MAP2: variants seen among roughly 807,000 people sequenced by gnomAD.
MAP2 encodes the protein microtubule-associated protein 2.
In MAP2, 14 loss-of-function variants were observed where a neutral mutation model predicts 137.6. The ratio of observed to expected loss-of-function variants is 0.10; its 90% CI spans 0.07 to 0.16. The LOEUF (loss-of-function observed/expected upper bound fraction) is 0.16, where lower values mean the gene tolerates loss of function less well. MAP2 is among the 10% of genes least tolerant of loss of function. The pLI is 1.00. For missense variants in MAP2, 2,088 were observed against 2,191.5 expected (o/e 0.95, Z 0.94); for synonymous variants, 786 against 782.3 (o/e 1.00, Z -0.08).
chr2:209,696,327 A>G lies in MAP2; in HGVS notation c.4157A>G (p.Asp1386Gly). 1 of 1,565,518 alleles carries G rather than the reference A, an allele frequency of 6.4e-7. No individual in the cohort carries two copies. Among genetic ancestry groups the G allele is most frequent in the Non-Finnish European group, 8.6e-7 (1 of 1,162,964 alleles). ...TTIDDSIMDADSLWVDTQDDD... is the reference protein window; with the variant it reads ...TTIDDSIMDAGSLWVDTQDDD... ...ATTGACGACTCCATCATGGACGCTG[A>G]CAGCCTCTGGGTGGACACTCAAGGT... The change falls in exon 8 of 16, where the codon GAC (aspartate) becomes GGC (glycine). Residue 1386 changes from aspartate (D) to glycine (G), a missense_variant. Around this residue, in one of 6 missense-constraint regions of MAP2, gnomAD observed 591 missense variants for 642.6 expected, o/e 0.92. Transcript: ENST00000682079.
chr2:209,480,432 G>A (rs1440813301), intron 1 of MAP2, among the ~76,000 whole-genome samples: 1 of 152,026 alleles, frequency 6.6e-6, no homozygotes, highest in Non-Finnish European at 1.5e-5. Flanking sequence ...CTGAGTCTGT[G>A]GATACGTGGA....
At chr2:209,578,419 GA>G (rs67981173) in intron 2 of MAP2, among the ~76,000 whole-genome samples, 31,837 of 141,180 alleles carry the variant, frequency 0.23, 4,834 homozygotes, top group African/African-American at 0.45. Context: ...TTTCAAGAAG[GA>G]AAAAAAAAAA....
intron 3 of MAP2, among the ~76,000 whole-genome samples, chr2:209,606,495 C>T (rs1175086841): frequency 1.3e-5 from 2 of 152,054 alleles, no homozygotes; most frequent in African/African-American, 4.8e-5. Context: ...CACTGTACTC[C>T]AGCCTTGGCA....
intron 5 of MAP2, among the ~76,000 whole-genome samples, chr2:209,664,744 G>A (rs1343213763): frequency 2.0e-5 from 3 of 151,960 alleles, no homozygotes; most frequent in African/African-American, 4.8e-5. Context: ...GGCAGATCAC[G>A]AGGTCAGGAG....
chr2:209,509,708 T>A (rs918703956), intron 2 of MAP2, among the ~76,000 whole-genome samples: 8 of 152,028 alleles, frequency 5.3e-5, no homozygotes, highest in Non-Finnish European at 7.4e-5. Flanking sequence ...ATAAAAGAGT[T>A]TCCCTCACAG....
At chr2:209,573,298 G>GTTT (rs71043941) in intron 2 of MAP2, among the ~76,000 whole-genome samples, 13 of 120,064 alleles carry the variant, frequency 1.1e-4, no homozygotes, top group South Asian at 2.6e-4. Context: ...TTCTTTTTCT[G>GTTT]TTTTTTTTTT....
At chr2:209,453,550 G>C (rs1700780658) in intron 1 of MAP2, among the ~76,000 whole-genome samples, 1 of 152,082 alleles carries the variant, frequency 6.6e-6, no homozygotes, top group African/African-American at 2.4e-5. Flanking sequence ...ATATACCTAT[G>C]ACTGTTACTG....
At chr2:209,645,181 A>AT (rs2153587467) in intron 4 of MAP2, among the ~76,000 whole-genome samples, 1 of 152,262 alleles carries the variant, frequency 6.6e-6, no homozygotes, top group South Asian at 2.1e-4. Context: ...GTATCAAATT[A>AT]TTTTTTTCCA....
At chr2:209,493,272 A>C (rs2059355689) in intron 1 of MAP2, among the ~76,000 whole-genome samples, 2 of 152,366 alleles carry the variant, frequency 1.3e-5, no homozygotes, top group Admixed American at 1.3e-4. Flanking sequence ...TGTATACAAA[A>C]ATTAATGCAA....
At chr2:209,692,093 A>G (rs1453692957) in intron 7 of MAP2, among the ~76,000 whole-genome samples, 2 of 152,196 alleles carry the variant, frequency 1.3e-5, no homozygotes, top group African/African-American at 4.8e-5. Flanking sequence ...AACTATTAAC[A>G]TTATATCATT....
At chr2:209,466,908 C>A (rs1372218013) in intron 1 of MAP2, among the ~76,000 whole-genome samples, 1 of 152,186 alleles carries the variant, frequency 6.6e-6, no homozygotes, top group Admixed American at 6.5e-5. Context: ...TTCCCACTAA[C>A]CCCTCTCCTG....
At chr2:209,429,737 A>G (rs1693730171) in intron 1 of MAP2, among the ~76,000 whole-genome samples, 1 of 152,168 alleles carries the variant, frequency 6.6e-6, no homozygotes, top group African/African-American at 2.4e-5. Flanking sequence ...CATCATTTCA[A>G]TATGAACCCT....
At chr2:209,514,850 A>C (rs560157428) in intron 2 of MAP2, among the ~76,000 whole-genome samples, 1 of 152,238 alleles carries the variant, frequency 6.6e-6, no homozygotes, top group South Asian at 2.1e-4. Flanking sequence ...TATGACATAC[A>C]ATACACACAT....
intron 3 of MAP2, among the ~76,000 whole-genome samples, chr2:209,596,734 A>G (rs2081395784): frequency 1.3e-5 from 2 of 152,196 alleles, no homozygotes; most frequent in African/African-American, 4.8e-5. Flanking sequence ...TTTAAAATGT[A>G]CTTGGAGACT....
chr2:209,634,908 G>A (rs991387493), intron 4 of MAP2, among the ~76,000 whole-genome samples: 6 of 151,958 alleles, frequency 3.9e-5, no homozygotes, highest in African/African-American at 1.4e-4. Flanking sequence ...GCAACATAGC[G>A]AGACCTCATG....
intron 1 of MAP2, among the ~76,000 whole-genome samples, chr2:209,427,897 A>G (rs1282824842): frequency 6.6e-6 from 1 of 152,152 alleles, no homozygotes; most frequent in Non-Finnish European, 1.5e-5. Context: ...TCAGCTATTA[A>G]AAGCTGTCCA....
chr2:209,514,678 G>A (rs1184594109), intron 2 of MAP2, among the ~76,000 whole-genome samples: 1 of 152,072 alleles, frequency 6.6e-6, no homozygotes, highest in East Asian at 1.9e-4. Context: ...TCTTTATTAT[G>A]TAAGAAATTC....
rs758682464 is a variant in MAP2, at chr2:209,729,831, G to A, written c.5156-19G>A. ...CGAATGCAAGATATAGTTAAATCAA[G>A]GTATTTCTTCCCTCATAGGTGGCGG... On this transcript the variant is annotated intron_variant, in intron 14 of 15. Coordinates refer to ENST00000682079, the MANE Select transcript of MAP2 (RefSeq NM_001375505.1). The A allele has an allele frequency of 9.2e-6, 14 of 1,516,902 alleles. No individual in the cohort carries two copies. The highest frequency in any genetic ancestry group is 1.4e-5 in the African/African-American group (1 of 72,650). 94.0% of individuals were successfully genotyped at this position (1,516,902 alleles called of 1,614,324 possible).
Position 209,437,641 on chromosome 2 carries a change from C to A in MAP2, c.-222+13365C>A, listed in dbSNP as rs987258107. On this transcript the variant is annotated intron_variant, in intron 1 of 15. Coordinates refer to ENST00000682079, the MANE Select transcript of MAP2 (RefSeq NM_001375505.1). ...AAATGACACGATGGACAAGAGAGCCCCCCATGTGACCATTAGCCTGAAAAC... is the reference window on the plus strand; with the variant it reads ...AAATGACACGATGGACAAGAGAGCCACCCATGTGACCATTAGCCTGAAAAC... Among the ~76,000 whole-genome samples, 8 of 151,544 alleles carry A rather than the reference C, an allele frequency of 5.3e-5. No homozygotes were observed. In the East Asian group the frequency reaches 1.6e-3, roughly 29 times the overall value.
Sources: allele counts gnomAD v4.1 joint callset (sites outside exome capture counted in the v4.1 genomes callset), GRCh38; gene constraint gnomAD v4.1.1; regional missense constraint gnomAD v4.1.1; transcripts MANE v1.5; gene names NCBI Gene and HGNC (gene_info 2026-07-23, HGNC 2026-07-21).